Variants in ADAM2 observed in about 807,000 individuals in gnomAD.
ADAM2 encodes the protein disintegrin and metalloproteinase domain-containing protein 2.
In ADAM2, 101 loss-of-function variants were observed where a neutral mutation model predicts 99.3. That is an observed-to-expected ratio of 1.02 (90% CI 0.87 to 1.20). The LOEUF (loss-of-function observed/expected upper bound fraction) is 1.20, where lower values mean the gene tolerates loss of function less well. Among genes scored for constraint, ADAM2 ranks in the 50% most tolerant of loss-of-function variants. The probability of loss-of-function intolerance (pLI) is 0.00; values close to 1 mark genes in which losing one functional copy is unlikely to be tolerated. For missense variants in ADAM2, 948 were observed against 878.7 expected (o/e 1.08, Z -1.00); for synonymous variants, 323 against 287.6 (o/e 1.12, Z -1.25).
chr8:39,765,345 G>A (rs1405888316), intron 14 of ADAM2, among the ~76,000 whole-genome samples: 2 of 152,048 alleles, frequency 1.3e-5, no homozygotes, highest in Admixed American at 1.3e-4. Flanking sequence ...CCATATAATT[G>A]AAAGAGAAGA....
intron 7 of ADAM2, among the ~76,000 whole-genome samples, chr8:39,805,903 T>C (rs1385255723): frequency 6.6e-6 from 1 of 152,130 alleles, no homozygotes; most frequent in Non-Finnish European, 1.5e-5. Flanking sequence ...TTGTGGACAA[T>C]GCAACAGCCA....
chr8:39,758,077 A>C (rs1802214888), intron 15 of ADAM2, among the ~76,000 whole-genome samples: 1 of 152,180 alleles, frequency 6.6e-6, no homozygotes, highest in Admixed American at 6.5e-5. Context: ...TTGTATACTA[A>C]AATGTACTTT....
At chr8:39,776,514 T>C (rs1802992009) in intron 11 of ADAM2, among the ~76,000 whole-genome samples, 1 of 152,120 alleles carries the variant, frequency 6.6e-6, no homozygotes, top group Admixed American at 6.6e-5. Context: ...CAAACATTCA[T>C]AATGTACTAT....
chr8:39,769,152 GAATA>G (rs1281957150), intron 12 of ADAM2, among the ~76,000 whole-genome samples: 6 of 152,046 alleles, frequency 3.9e-5, no homozygotes, highest in Non-Finnish European at 7.4e-5. Context: ...AAGAAAGCTA[GAATA>G]AATAAAGGAA....
chr8:39,749,788 G>T, intron 16 of ADAM2, 44 bp from the exon 17 acceptor site: 1 of 1,497,806 alleles, frequency 6.7e-7, no homozygotes, highest in South Asian at 1.2e-5. Context: ...ATGCCATCTA[G>T]AGTTGCCATT....
intron 6 of ADAM2, among the ~76,000 whole-genome samples, chr8:39,813,008 A>T (rs187812194): frequency 1.3e-5 from 2 of 152,316 alleles, no homozygotes; most frequent in African/African-American, 4.8e-5. Flanking sequence ...GAAAAGTTTT[A>T]CAATCTAACC....
In ADAM2 at chr8:39,774,482, TAATC is replaced by T. The variant is rs537506915; in HGVS notation, c.1028+2539_1028+2542del. 8.2e-3 allele frequency among the ~76,000 whole-genome samples: 1,243 copies of T among 152,092 alleles called. 9 individuals are homozygous for T. The highest frequency in any genetic ancestry group is 0.012 in the Non-Finnish European group (837 of 67,884). On this transcript the variant is annotated intron_variant, in intron 11 of 20. Transcript: ENST00000265708. ...TGCAGGATACAAGCTCAATAAAAAT[TAATC>T]AATACCATTTCTATATACTTGTCAC...
At chr8:39,778,339 A>G (rs1803081991) in intron 10 of ADAM2, among the ~76,000 whole-genome samples, 1 of 152,008 alleles carries the variant, frequency 6.6e-6, no homozygotes, top group Non-Finnish European at 1.5e-5. Flanking sequence ...TGTCAGAGGG[A>G]TGCTTTGCCC....
intron 14 of ADAM2, among the ~76,000 whole-genome samples, chr8:39,765,029 A>ATAAG (rs1157645379): frequency 5.5e-4 from 6 of 10,960 alleles, no homozygotes; most frequent in African/African-American, 5.2e-3. Context: ...GCTCCAAAAA[A>ATAAG]TAAATAAATA....
intron 10 of ADAM2, among the ~76,000 whole-genome samples, chr8:39,779,552 T>A (rs1402912491): frequency 6.6e-6 from 1 of 152,164 alleles, no homozygotes; most frequent in Non-Finnish European, 1.5e-5. Flanking sequence ...TTCTTGTTAT[T>A]ATTATCTCTG....
intron 15 of ADAM2, among the ~76,000 whole-genome samples, chr8:39,757,745 C>G (rs1374791397): frequency 6.6e-6 from 1 of 152,100 alleles, no homozygotes; most frequent in Non-Finnish European, 1.5e-5. Flanking sequence ...AAAATTCTAG[C>G]CTTCAGAAAA....
At chr8:39,766,826 G>A in intron 14 of ADAM2, 22 bp downstream of exon 14, 2 of 1,532,374 alleles carry the variant, frequency 1.3e-6, no homozygotes, top group Non-Finnish European at 1.8e-6. Flanking sequence ...GCATATATGA[G>A]AAATCAAATG....
chr8:39,772,013 G>A (rs1205060134), intron 11 of ADAM2, among the ~76,000 whole-genome samples: 1 of 151,222 alleles, frequency 6.6e-6, no homozygotes, highest in East Asian at 1.9e-4. Flanking sequence ...CACCGAAATG[G>A]TGCATGTATA....
At chr8:39,785,474 TAAAAC>T (rs1273747114) in intron 10 of ADAM2, among the ~76,000 whole-genome samples, 1 of 152,146 alleles carries the variant, frequency 6.6e-6, no homozygotes. Flanking sequence ...TCAAATAACT[TAAAAC>T]AGAACTACCA....
At chr8:39,835,939 C>T (rs907114085) in intron 2 of ADAM2, among the ~76,000 whole-genome samples, 4 of 152,032 alleles carry the variant, frequency 2.6e-5, no homozygotes, top group African/African-American at 7.2e-5. Context: ...AAGCAACTGA[C>T]GGTCAACAAT....
rs771551128 is a variant in ADAM2, at chr8:39,767,163, T to C, written c.1301A>G (p.Glu434Gly). 2.5e-6 allele frequency: 4 copies of C among 1,606,538 alleles called. No homozygotes were observed. Among genetic ancestry groups the C allele is most frequent in the Non-Finnish European group, 2.5e-6 (3 of 1,178,378 alleles). Reference protein sequence around the residue: ...GSNCAEGPCCENCLFMSKERM... With the variant: ...GSNCAEGPCCGNCLFMSKERM... ...TCAAAAAGCTCTTACTAGACAGTTT[T>C]CGCAGCATGGTCCTTCAGCACAGTT... is the stretch of plus-strand genomic sequence containing the variant. Residue 434 changes from glutamate (E) to glycine (G), a missense_variant, in exon 13 of 21, where the codon GAA becomes GGA. Transcript: ENST00000265708.
At chr8:39,791,753 A>G (rs1396204217) in intron 7 of ADAM2, among the ~76,000 whole-genome samples, 1 of 152,056 alleles carries the variant, frequency 6.6e-6, no homozygotes, top group African/African-American at 2.4e-5. Flanking sequence ...TAGAGGTAAA[A>G]GATAGCTGTT....
At chr8:39,762,558 G>A (rs185977459) in intron 14 of ADAM2, among the ~76,000 whole-genome samples, 5 of 152,316 alleles carry the variant, frequency 3.3e-5, no homozygotes, top group Non-Finnish European at 5.9e-5. Context: ...GCATTGCTCT[G>A]TAGGTATTTT....
chr8:39,812,821 A>G (rs1409863654), intron 6 of ADAM2, among the ~76,000 whole-genome samples: 1 of 152,152 alleles, frequency 6.6e-6, no homozygotes, highest in African/African-American at 2.4e-5. Context: ...AAACCCTAGA[A>G]GAAAACCTAG....
Sources: gnomAD v4.1 joint callset for allele counts (sites outside exome capture counted in the v4.1 genomes callset) on GRCh38, gnomAD v4.1.1 for gene constraint, MANE v1.5 for transcripts, NCBI Gene and HGNC (gene_info 2026-07-23, HGNC 2026-07-21) for gene names.